The following MECOM variants were observed in gnomAD, a reference collection of about 807,000 sequenced individuals.
MECOM encodes the protein MDS1 and EVI1 complex locus, also known as histone-lysine N-methyltransferase MECOM.
In MECOM, 13 loss-of-function variants were observed where a neutral mutation model predicts 116.3. That is an observed-to-expected ratio of 0.11 (90% CI 0.07 to 0.18). The LOEUF is 0.18. Ranked by LOEUF, MECOM falls within the 10% of genes least tolerant of loss-of-function variation. The pLI is 1.00. For synonymous variants in MECOM, 528 were observed against 535.2 expected, an observed-to-expected ratio of 0.99 and a Z score of 0.19; for missense variants, 1,299 against 1,509.0, an observed-to-expected ratio of 0.86 and a Z score of 2.31.
At chr3:169,545,429 G>A (rs972429245) in intron 1 of MECOM, among the ~76,000 whole-genome samples, 3 of 152,150 alleles carry the variant, frequency 2.0e-5, no homozygotes, top group Non-Finnish European at 4.4e-5. Context: ...AGGTAAGAGG[G>A]AAATCTTGGA....
chr3:169,662,521 C>T (rs976027696), intron 1 of MECOM, among the ~76,000 whole-genome samples: 8 of 152,150 alleles, frequency 5.3e-5, no homozygotes, highest in African/African-American at 1.9e-4. Flanking sequence ...GGCCTCTTTC[C>T]TCCCCACCTG....
At chr3:169,351,783 T>C (rs75989296) in intron 2 of MECOM, among the ~76,000 whole-genome samples, 3,061 of 151,964 alleles carry the variant, frequency 0.02, 120 homozygotes, top group African/African-American at 0.071. Context: ...ATAAGGTCAC[T>C]GACCTTTCAA....
At chr3:169,394,759 G>A (rs1023067941) in intron 1 of MECOM, among the ~76,000 whole-genome samples, 2 of 152,090 alleles carry the variant, frequency 1.3e-5, no homozygotes, top group African/African-American at 4.8e-5. Flanking sequence ...TATTTATTTG[G>A]ACATAGTTAA....
chr3:169,433,219 A>C (rs1443962381), intron 1 of MECOM, among the ~76,000 whole-genome samples: 1 of 152,226 alleles, frequency 6.6e-6, no homozygotes, highest in East Asian at 1.9e-4. Flanking sequence ...CTGTAATCAC[A>C]GCACTTTGGG....
chr3:169,586,288 C>T (rs1198641202), intron 1 of MECOM, among the ~76,000 whole-genome samples: 3 of 152,232 alleles, frequency 2.0e-5, no homozygotes, highest in Non-Finnish European at 4.4e-5. Flanking sequence ...CCACACTCTG[C>T]ATTCAAATTT....
chr3:169,123,076 A>G (rs1366659443), intron 5 of MECOM, among the ~76,000 whole-genome samples: 1 of 151,922 alleles, frequency 6.6e-6, no homozygotes, highest in Non-Finnish European at 1.5e-5. Flanking sequence ...TATTGCTAAT[A>G]CTCACTTAAT....
chr3:169,166,915 C>T (rs1231614643), intron 2 of MECOM, among the ~76,000 whole-genome samples: 1 of 152,086 alleles, frequency 6.6e-6, no homozygotes, highest in East Asian at 1.9e-4. Flanking sequence ...TCAAATTAAA[C>T]TACTTGGTTC....
chr3:169,349,868 C>A (rs1726006773), intron 2 of MECOM, among the ~76,000 whole-genome samples: 1 of 151,844 alleles, frequency 6.6e-6, no homozygotes, highest in Admixed American at 6.6e-5. Flanking sequence ...GTTAAAAACT[C>A]CAGTAACTCA....
intron 2 of MECOM, chr3:169,269,255 A>G (rs1758660484): frequency 6.6e-6 from 1 of 152,588 alleles, no homozygotes; most frequent in African/African-American, 2.4e-5. Context: ...CCAAAGGAGC[A>G]TATTAAGTTA....
At chr3:169,519,950 G>A (rs146484772) in intron 1 of MECOM, among the ~76,000 whole-genome samples, 197 of 152,346 alleles carry the variant, frequency 1.3e-3, no homozygotes, top group Middle Eastern at 3.4e-3. Context: ...GCCAATAGAA[G>A]CATTTCATCC....
intron 2 of MECOM, among the ~76,000 whole-genome samples, chr3:169,326,146 G>C (rs62293341): frequency 0.086 from 12,999 of 151,668 alleles, 640 homozygotes; most frequent in East Asian, 0.18. Flanking sequence ...GGAGGCAACA[G>C]TTGAACTAGG....
intron 1 of MECOM, among the ~76,000 whole-genome samples, chr3:169,576,952 G>A (rs994750412): frequency 2.0e-5 from 3 of 152,004 alleles, no homozygotes; most frequent in East Asian, 1.9e-4. Flanking sequence ...AGCACTGGCC[G>A]GGCCAAGATA....
chr3:169,505,723 A>C (rs186430691), intron 1 of MECOM, among the ~76,000 whole-genome samples: 1 of 152,338 alleles, frequency 6.6e-6, no homozygotes, highest in African/African-American at 2.4e-5. Flanking sequence ...TCCATGTTTT[A>C]AAACTTGGTC....
At chr3:169,545,777 C>A (rs1005513636) in intron 1 of MECOM, among the ~76,000 whole-genome samples, 2 of 152,182 alleles carry the variant, frequency 1.3e-5, no homozygotes, top group African/African-American at 4.8e-5. Context: ...CACATCCCTT[C>A]CTCTTCCCTG....
chr3:169,139,415 T>C (rs1209439756), intron 3 of MECOM, among the ~76,000 whole-genome samples: 2 of 152,122 alleles, frequency 1.3e-5, no homozygotes, highest in Non-Finnish European at 2.9e-5. Flanking sequence ...CTTCTTATGG[T>C]ACAGAATACA....
intron 2 of MECOM, among the ~76,000 whole-genome samples, chr3:169,249,942 CGTT>C (rs1284081442): frequency 6.6e-6 from 1 of 152,140 alleles, no homozygotes; most frequent in Non-Finnish European, 1.5e-5. Flanking sequence ...TACAAGGAAA[CGTT>C]GTGAGCAGAC....
At chr3:169,570,703 A>G (rs138861261) in intron 1 of MECOM, among the ~76,000 whole-genome samples, 33,508 of 152,116 alleles carry the variant, frequency 0.22, 4,722 homozygotes, top group East Asian at 0.7. Context: ...ATCTATAAAC[A>G]TAATCCATCA....
intron 1 of MECOM, among the ~76,000 whole-genome samples, chr3:169,616,622 G>C (rs879449047): frequency 6.6e-6 from 1 of 152,178 alleles, no homozygotes; most frequent in Admixed American, 6.5e-5. Context: ...TTATAGGCAC[G>C]AGTCACTGCA....
chr3:169,151,712 T>G (rs1378395665), intron 2 of MECOM, among the ~76,000 whole-genome samples: 2 of 152,174 alleles, frequency 1.3e-5, no homozygotes, highest in Non-Finnish European at 2.9e-5. Flanking sequence ...AAAAAGAAAA[T>G]CAATGCTTCC....
Sources: gnomAD v4.1 joint callset for allele counts (sites outside exome capture counted in the v4.1 genomes callset) on GRCh38, gnomAD v4.1.1 for gene constraint, MANE v1.5 for transcripts, NCBI Gene and HGNC (gene_info 2026-07-23, HGNC 2026-07-21) for gene names.